Variants in DAAM1 observed in about 807,000 individuals in gnomAD.
DAAM1 encodes dishevelled associated activator of morphogenesis 1.
DAAM1 carries 52 observed loss-of-function variants against 130.0 expected under a neutral mutation model. That is an observed-to-expected ratio of 0.40 (90% CI 0.32 to 0.50). The LOEUF (loss-of-function observed/expected upper bound fraction) is 0.50, where lower values mean the gene tolerates loss of function less well. DAAM1 is among the 20% of genes least tolerant of loss of function. The pLI is 0.61. For missense variants in DAAM1, 1,134 were observed against 1,303.8 expected (o/e 0.87, Z 2.01); for synonymous variants, 452 against 444.5 (o/e 1.02, Z -0.21).
In DAAM1 at chr14:59,331,889, A is replaced by G; in HGVS notation, c.1937A>G (p.Glu646Gly). ...AAAATTCTAGATCTTGAAGACCTGG[A>G]AAGAACCTTCTCTGCCTATCAAAGA... Reference protein sequence around the residue: ...VFKILDLEDLERTFSAYQRQQ... With the variant: ...VFKILDLEDLGRTFSAYQRQQ... Residue 646 changes from glutamate to glycine, a missense_variant, in exon 15 of 25, where the codon GAA (glutamate) becomes GGA (glycine). Glu to Gly is a moderately conservative substitution (Grantham distance 98). This residue lies in a region of DAAM1 where 644 missense variants were observed against 695.9 expected (regional missense o/e 0.93). Coordinates refer to ENST00000360909, the MANE Select transcript of DAAM1 (RefSeq NM_001270520.2). 6.2e-7 allele frequency: 1 copy of G among 1,614,166 alleles called. No homozygotes were observed. Among genetic ancestry groups the G allele is most frequent in the South Asian group, 1.1e-5 (1 of 91,072 alleles).
intron 16 of DAAM1, among the ~76,000 whole-genome samples, chr14:59,346,143 G>C (rs996297603): frequency 2.7e-5 from 4 of 148,212 alleles, no homozygotes; most frequent in African/African-American, 9.9e-5. Context: ...TTTTTTGGGG[G>C]GGGGGGGGTG....
intron 16 of DAAM1, 27 bp from the exon 17 acceptor site, chr14:59,347,512 G>A (rs963116146): frequency 3.1e-6 from 5 of 1,602,702 alleles, no homozygotes; most frequent in African/African-American, 2.7e-5. Context: ...AACCAATATG[G>A]TTAATAACAA....
chr14:59,325,334 G>T (rs1364487490), intron 8 of DAAM1, among the ~76,000 whole-genome samples: 1 of 152,178 alleles, frequency 6.6e-6, no homozygotes, highest in Non-Finnish European at 1.5e-5. Context: ...GAAGTTAAGT[G>T]TAGGTATATG....
intron 2 of DAAM1, among the ~76,000 whole-genome samples, chr14:59,283,734 G>A (rs1883320145): frequency 6.6e-6 from 1 of 152,108 alleles, no homozygotes; most frequent in Non-Finnish European, 1.5e-5. Context: ...CTTCCCAAAG[G>A]AACTAGCATA....
In DAAM1 at chr14:59,331,940, A is replaced by C; in HGVS notation, c.1968+20A>C. On this transcript the variant is annotated intron_variant, in intron 15 of 24. Transcript: ENST00000360909. ...CAGCAGGTAACAGCATATGCCCTCC[A>C]GACACCAAAAAGGTAGAAAAATCAT... is the stretch of plus-strand genomic sequence containing the variant. The C allele has an allele frequency of 1.3e-6, 2 of 1,598,266 alleles. No individual in the cohort carries two copies. Among genetic ancestry groups the C allele is most frequent in the South Asian group, 1.1e-5 (1 of 90,134 alleles).
rs1159585438 is a variant in DAAM1, at chr14:59,198,952, G to T, written c.-38+10184G>T. ...CTGGATAAAAATTCTAAATTTTTGG[G>T]AAGACAGTATCCTCTTAAAATAATG... On this transcript the variant is annotated intron_variant, in intron 1 of 24. Transcript: ENST00000360909. 2.0e-5 allele frequency among the ~76,000 whole-genome samples: 3 copies of T among 152,186 alleles called. No individual in the cohort carries two copies. In the East Asian group the frequency reaches 5.8e-4, roughly 29 times the overall value.
chr14:59,259,036 C>G (rs1260419917), intron 1 of DAAM1, among the ~76,000 whole-genome samples: 1 of 152,172 alleles, frequency 6.6e-6, no homozygotes, highest in African/African-American at 2.4e-5. Context: ...ATGCTCTGGA[C>G]TGATTTTTAG....
chr14:59,364,856 C>G (rs772808156), intron 23 of DAAM1, among the ~76,000 whole-genome samples: 16 of 150,082 alleles, frequency 1.1e-4, no homozygotes, highest in South Asian at 2.1e-4. Flanking sequence ...GGTCCAACCT[C>G]TGATATCCCA....
At chr14:59,337,744 A>G (rs1167648725) in intron 15 of DAAM1, among the ~76,000 whole-genome samples, 1 of 152,146 alleles carries the variant, frequency 6.6e-6, no homozygotes, top group Non-Finnish European at 1.5e-5. Context: ...CAACACACGT[A>G]TCACTGATTT....
At chr14:59,343,374 C>T (rs1434689310) in intron 16 of DAAM1, among the ~76,000 whole-genome samples, 1 of 152,148 alleles carries the variant, frequency 6.6e-6, no homozygotes, top group Non-Finnish European at 1.5e-5. Flanking sequence ...GATGAAGAAG[C>T]CCTTGAAGGC....
intron 23 of DAAM1, among the ~76,000 whole-genome samples, chr14:59,366,722 A>AAGAT (rs1886930206): frequency 6.6e-6 from 1 of 152,176 alleles, no homozygotes; most frequent in Admixed American, 6.5e-5. Context: ...TCAGCAGCTG[A>AAGAT]AGATAAATAT....
intron 1 of DAAM1, among the ~76,000 whole-genome samples, chr14:59,227,234 ATGTGAACAAGGATGG>A (rs1194597492): frequency 2.6e-5 from 4 of 152,176 alleles, no homozygotes; most frequent in South Asian, 2.1e-4. Flanking sequence ...ATAGGCTTAC[ATGTGAACAAGGATGG>A]TGTGAACAAG....
At chr14:59,316,312 C>T (rs538070670) in intron 4 of DAAM1, among the ~76,000 whole-genome samples, 2 of 152,130 alleles carry the variant, frequency 1.3e-5, no homozygotes, top group African/African-American at 4.8e-5. Flanking sequence ...TAAATGGTCT[C>T]ATAACATTTT....
intron 1 of DAAM1, among the ~76,000 whole-genome samples, chr14:59,201,053 C>G (rs190979615): frequency 6.7e-6 from 1 of 148,802 alleles, no homozygotes; most frequent in African/African-American, 2.5e-5. Flanking sequence ...CCCAGCTACT[C>G]GGGAGTCTGA....
chr14:59,337,806 C>T (rs1885686037), intron 15 of DAAM1, among the ~76,000 whole-genome samples: 1 of 152,156 alleles, frequency 6.6e-6, no homozygotes, highest in African/African-American at 2.4e-5. Context: ...CACCTACAGG[C>T]ATTATTTGCA....
At chr14:59,268,356 T>C (rs1181419404) in intron 2 of DAAM1, among the ~76,000 whole-genome samples, 1 of 152,256 alleles carries the variant, frequency 6.6e-6, no homozygotes, top group African/African-American at 2.4e-5. Flanking sequence ...CAAGTATATA[T>C]GTAGGAGCGG....
intron 20 of DAAM1, 112 bp downstream of exon 20, chr14:59,355,445 A>ACTTCTCTTTCTCACTACTTTCTTCC: frequency 3.0e-6 from 4 of 1,318,870 alleles, no homozygotes; most frequent in Non-Finnish European, 4.1e-6. Flanking sequence ...TTCAGTTGGA[A>ACTTCTCTTTCTCACTACTTTCTTCC]CTTCTCTTTC....
At chr14:59,269,879 G>A (rs577416819) in intron 2 of DAAM1, among the ~76,000 whole-genome samples, 14 of 151,976 alleles carry the variant, frequency 9.2e-5, no homozygotes, top group African/African-American at 7.2e-5. Flanking sequence ...TTTAGATGAC[G>A]CATAAAAAAA....
chr14:59,339,515 C>T (rs1048980078), intron 15 of DAAM1, among the ~76,000 whole-genome samples: 2 of 152,168 alleles, frequency 1.3e-5, no homozygotes, highest in Non-Finnish European at 2.9e-5. Context: ...TGAACTCATG[C>T]CTCAAACTGC....
Sources: gnomAD v4.1 joint callset for allele counts (sites outside exome capture counted in the v4.1 genomes callset) on GRCh38, gnomAD v4.1.1 for gene constraint, gnomAD v4.1.1 regional missense constraint, MANE v1.5 for transcripts, NCBI Gene and HGNC (gene_info 2026-07-23, HGNC 2026-07-21) for gene names.